Variants in RANGAP1 observed in about 807,000 individuals in gnomAD.
RANGAP1 encodes the protein Ran GTPase activating protein 1, also known as ran GTPase-activating protein 1.
RANGAP1 carries 38 observed loss-of-function variants against 63.5 expected under a neutral mutation model. The observed-to-expected ratio is 0.60, with a 90% CI of 0.46 to 0.78. RANGAP1 has a LOEUF of 0.78. RANGAP1 is among the 30% of genes least tolerant of loss of function. The pLI is 0.00. For missense variants in RANGAP1, 630 were observed against 740.3 expected (o/e 0.85, Z 1.73); for synonymous variants, 329 against 310.5 (o/e 1.06, Z -0.63).
chr22:41,254,518 A>G, intron 10 of RANGAP1, 24 bp from the exon 11 acceptor site: 1 of 1,563,724 alleles, frequency 6.4e-7, no homozygotes, highest in Non-Finnish European at 8.6e-7. Flanking sequence ...TGGCTGAAGC[A>G]GATCCTCTCT....
chr22:41,283,222 G>C (rs1030490901), intron 1 of RANGAP1, among the ~76,000 whole-genome samples: 1 of 122,182 alleles, frequency 8.2e-6, no homozygotes, highest in Admixed American at 7.7e-5. Context: ...AAAGGGGGGG[G>C]TTGGGGGGCC....
chr22:41,274,817 C>T, intron 2 of RANGAP1, 90 bp from the exon 3 acceptor site: 3 of 1,530,154 alleles, frequency 2.0e-6, no homozygotes, highest in Non-Finnish European at 2.7e-6. Context: ...TGCCACTCAA[C>T]AGTCTATGGT....
At chr22:41,249,669 C>G (rs1447329043) in intron 14 of RANGAP1, 60 bp downstream of exon 14, 1 of 1,564,068 alleles carries the variant, frequency 6.4e-7, no homozygotes, top group Non-Finnish European at 8.8e-7. Context: ...ATGGCTGGGG[C>G]AGCTTCTGTG....
intron 5 of RANGAP1, among the ~76,000 whole-genome samples, 161 bp downstream of exon 5, chr22:41,264,503 C>T (rs1421594944): frequency 6.6e-6 from 1 of 152,208 alleles, no homozygotes; most frequent in Admixed American, 6.5e-5. Context: ...CCCTCATGGA[C>T]GCCTCTACCC....
At position 41,257,664 on chromosome 22, in the gene RANGAP1, C is replaced by T. The variant is rs920278686; in HGVS notation, c.774+284G>A. The stretch of plus-strand genomic sequence containing the variant: ...AACAGATGTGGGGAGCAGTCTGCTC[C>T]TGTGCAGCCTGAGAACAAACCAGCG... On this transcript the variant is annotated intron_variant, in intron 7 of 15. Coordinates refer to ENST00000356244, the MANE Select transcript of RANGAP1 (RefSeq NM_002883.4). The surrounding 1 kb of genome is among the most constrained non-coding windows in gnomAD (Gnocchi z 4.0). 2.0e-5 allele frequency among the ~76,000 whole-genome samples: 3 copies of T among 152,380 alleles called. No homozygotes were observed. In the East Asian group the frequency reaches 5.8e-4, roughly 29 times the overall value.
At chr22:41,280,770 G>T (rs1259642323) in intron 2 of RANGAP1, 163 bp downstream of exon 2, 1 of 1,527,586 alleles carries the variant, frequency 6.5e-7, no homozygotes, top group Non-Finnish European at 8.8e-7. Flanking sequence ...CTGGGCAAAT[G>T]ATCTCTGAGC....
At chr22:41,284,358 G>A (rs928854060) in intron 1 of RANGAP1, among the ~76,000 whole-genome samples, 1 of 150,982 alleles carries the variant, frequency 6.6e-6, no homozygotes, top group African/African-American at 2.4e-5. Context: ...ACCTGAGGTC[G>A]GGAGTTCGAG....
chr22:41,249,488 A>G (rs762206420), intron 14 of RANGAP1, 37 bp from the exon 15 acceptor site: 4 of 1,522,488 alleles, frequency 2.6e-6, no homozygotes, highest in Admixed American at 3.9e-5. Flanking sequence ...GTGAGCTTCA[A>G]AGTCACCTGG....
At chr22:41,270,420 T>C (rs1007801456) in intron 3 of RANGAP1, among the ~76,000 whole-genome samples, 2 of 152,162 alleles carry the variant, frequency 1.3e-5, no homozygotes, top group Non-Finnish European at 2.9e-5. Context: ...GCTGGGATTA[T>C]AGGCATGAGA....
At chr22:41,299,915 C>T in the RANGAP1 span, among the ~76,000 whole-genome samples, 1 of 151,924 alleles carries the variant, frequency 6.6e-6, no homozygotes, top group Admixed American at 6.6e-5. Flanking sequence ...CCACGCCCAG[C>T]TTATTTTTTG....
At chr22:41,248,723 C>T (rs976904384) in intron 15 of RANGAP1, among the ~76,000 whole-genome samples, 1 of 152,240 alleles carries the variant, frequency 6.6e-6, no homozygotes, top group Non-Finnish European at 1.5e-5. Flanking sequence ...CCGACCCCTC[C>T]CTGGTGGGGC....
rs71200678 is a variant in RANGAP1, at chr22:41,273,766, CAAAAAAAAA to C, written c.240+825_240+833del. Among the ~76,000 whole-genome samples the C allele has an allele frequency of 5.7e-4, 14 of 24,356 alleles. No homozygotes were observed. In the East Asian group the frequency reaches 0.014, roughly 24 times the overall value. 16.0% of individuals were successfully genotyped at this position (24,356 alleles called of 152,430 possible). ...CGGGTGACAGTGTGAGACTCCATCT[CAAAAAAAAA>C]AAAAAAAAAAAAAAAAAAGGCCGGG... On this transcript the variant is annotated intron_variant, in intron 3 of 15. Coordinates refer to ENST00000356244, the MANE Select transcript of RANGAP1 (RefSeq NM_002883.4).
intron 8 of RANGAP1, 105 bp from the exon 9 acceptor site, chr22:41,256,395 C>T: frequency 8.5e-7 from 1 of 1,176,798 alleles, no homozygotes; most frequent in Non-Finnish European, 1.2e-6. Context: ...CAGGCTCTGT[C>T]CTCCAGGTGG....
chr22:41,275,123 C>A (rs140955563), intron 2 of RANGAP1, among the ~76,000 whole-genome samples: 20 of 152,196 alleles, frequency 1.3e-4, no homozygotes, highest in African/African-American at 4.3e-4. Flanking sequence ...TTAAGTGATT[C>A]ATGTGTGGGG....
chr22:41,298,483 T>G, the RANGAP1 span, among the ~76,000 whole-genome samples: 7 of 151,724 alleles, frequency 4.6e-5, no homozygotes, highest in Non-Finnish European at 1.0e-4. Context: ...CCTGGCTCAT[T>G]TTTGTATTTT....
intron 6 of RANGAP1, among the ~76,000 whole-genome samples, chr22:41,258,934 C>A (rs567069903): frequency 6.6e-6 from 1 of 152,196 alleles, no homozygotes; most frequent in Admixed American, 6.5e-5. Flanking sequence ...GGATTACAGA[C>A]GTGAGATACC....
intron 15 of RANGAP1, among the ~76,000 whole-genome samples, chr22:41,248,700 G>A (rs575001650): frequency 2.0e-5 from 3 of 152,302 alleles, no homozygotes; most frequent in East Asian, 1.9e-4. Flanking sequence ...AGGGCCTTCA[G>A]AGGGCAAGCC....
chr22:41,264,845 T>A lies in RANGAP1; in HGVS notation c.301-2A>T. 1 of 1,595,706 alleles carries A rather than the reference T, an allele frequency of 6.3e-7. No individual in the cohort carries two copies. On this transcript the variant is annotated splice_acceptor_variant, in intron 4 of 15. Transcript: ENST00000356244. LOFTEE classifies it high-confidence loss of function. ...GATGAGTCCTTCCCCTAGTGAGATC[T>A]GGGCACAGAGGAAGCTCGTGTCAGT...
At chr22:41,276,611 C>T (rs1019168814) in intron 2 of RANGAP1, among the ~76,000 whole-genome samples, 3 of 151,876 alleles carry the variant, frequency 2.0e-5, no homozygotes, top group Non-Finnish European at 4.4e-5. Flanking sequence ...TGCACTAATC[C>T]CTGGGCAACA....
Sources: gnomAD v4.1 joint callset for allele counts (sites outside exome capture counted in the v4.1 genomes callset) on GRCh38, gnomAD v4.1.1 for gene constraint, Gnocchi (gnomAD v3.1) non-coding constraint, MANE v1.5 for transcripts, NCBI Gene and HGNC (gene_info 2026-07-23, HGNC 2026-07-21) for gene names.